Variants in TYW1B observed in about 807,000 individuals in gnomAD.
TYW1B encodes the protein tRNA-yW synthesizing protein 1 homolog B.
In TYW1B, 73 loss-of-function variants were observed where a neutral mutation model predicts 86.9. The observed-to-expected ratio is 0.84, with a 90% CI of 0.70 to 1.02. TYW1B has a LOEUF of 1.02. TYW1B is among the 50% of genes least tolerant of loss of function. The pLI is 0.00. For missense variants in TYW1B, 637 were observed against 827.4 expected (o/e 0.77, Z 2.82); for synonymous variants, 248 against 292.8 (o/e 0.85, Z 1.56).
chr7:72,688,798 G>A (rs562912056), intron 11 of TYW1B, among the ~76,000 whole-genome samples: 4 of 152,174 alleles, frequency 2.6e-5, no homozygotes, highest in African/African-American at 9.6e-5. Context: ...GCCTCAACAC[G>A]AACTTAAGAT....
chr7:72,740,732 T>C (rs1364778344), intron 8 of TYW1B, among the ~76,000 whole-genome samples: 1 of 86,542 alleles, frequency 1.2e-5, no homozygotes, highest in Non-Finnish European at 2.8e-5. Flanking sequence ...TATGCAGTTT[T>C]CTTTTTTTTT....
chr7:72,695,145 CAATTA>C (rs1814284709), intron 10 of TYW1B, among the ~76,000 whole-genome samples: 1 of 152,152 alleles, frequency 6.6e-6, no homozygotes. Context: ...CAGCCCAGCA[CAATTA>C]GAGGGGCTCT....
chr7:72,750,813 A>C (rs1240492559), intron 7 of TYW1B, among the ~76,000 whole-genome samples: 1 of 152,166 alleles, frequency 6.6e-6, no homozygotes, highest in African/African-American at 2.4e-5. Flanking sequence ...CAATATACTT[A>C]CTGGTTGTGC....
rs546102068 is a variant in TYW1B at position 72,760,769 on chromosome 7, TCAGA to T, written c.965-16172_965-16169del. ...AGGCATCTTTGCCTAGGTTTACTGC[TCAGA>T]CAGTTTATATTTGTCTCTACTAGAC... On this transcript the variant is annotated intron_variant, in intron 7 of 13. Transcript: ENST00000620995. Among the ~76,000 whole-genome samples, 1,410 of 152,302 alleles carry T rather than the reference TCAGA, an allele frequency of 9.3e-3. 8 individuals carry two copies. Among genetic ancestry groups the T allele is most frequent in the Non-Finnish European group, 0.013 (859 of 68,016 alleles).
intron 11 of TYW1B, among the ~76,000 whole-genome samples, chr7:72,679,338 T>G (rs1173406485): frequency 2.6e-5 from 4 of 152,192 alleles, no homozygotes; most frequent in South Asian, 2.1e-4. Flanking sequence ...TCAATAATGT[T>G]CACTGCAGAG....
At chr7:72,625,461 C>CA (rs1408990888) in intron 12 of TYW1B, among the ~76,000 whole-genome samples, 3 of 151,464 alleles carry the variant, frequency 2.0e-5, no homozygotes, top group Non-Finnish European at 4.4e-5. Context: ...TCTATAAATA[C>CA]AAAAATGTTT....
chr7:72,595,981 G>C (rs1268614122), intron 13 of TYW1B, among the ~76,000 whole-genome samples: 15 of 151,704 alleles, frequency 9.9e-5, no homozygotes, highest in African/African-American at 2.9e-4. Context: ...TTCGAGACCA[G>C]CCTGGCCAAC....
chr7:72,808,407 T>C (rs1788535928), intron 4 of TYW1B, among the ~76,000 whole-genome samples: 1 of 151,894 alleles, frequency 6.6e-6, no homozygotes, highest in Non-Finnish European at 1.5e-5. Context: ...GCCACTGAAC[T>C]CCAACCTAGG....
intron 12 of TYW1B, among the ~76,000 whole-genome samples, chr7:72,621,578 G>A (rs782517855): frequency 2.0e-5 from 3 of 152,132 alleles, no homozygotes; most frequent in African/African-American, 4.8e-5. Context: ...GAACCTCTAC[G>A]CTATCTGACC....
chr7:72,752,940 A>C (rs1366210909), intron 7 of TYW1B, among the ~76,000 whole-genome samples: 2 of 152,180 alleles, frequency 1.3e-5, no homozygotes, highest in African/African-American at 4.8e-5. Flanking sequence ...TAATGGATGG[A>C]GTTGATGAAA....
chr7:72,801,708 C>G (rs1406360329), intron 6 of TYW1B, among the ~76,000 whole-genome samples: 2 of 152,104 alleles, frequency 1.3e-5, no homozygotes, highest in Non-Finnish European at 2.9e-5. Flanking sequence ...CTGCATCGTA[C>G]ATTCTCACAT....
At chr7:72,796,634 C>T (rs1440326240) in intron 6 of TYW1B, among the ~76,000 whole-genome samples, 4 of 151,436 alleles carry the variant, frequency 2.6e-5, no homozygotes, top group Non-Finnish European at 4.4e-5. Context: ...AGAAACCCTT[C>T]GAGTTGGTTC....
rs781843092 is a variant in TYW1B at position 72,575,571 on chromosome 7, T to C, written c.1934A>G (p.Asn645Ser). 50 of 1,613,932 alleles carry C rather than the reference T, an allele frequency of 3.1e-5. 1 individual carries two copies. The highest frequency in any genetic ancestry group is 1.2e-4 in the Admixed American group (7 of 60,004). ...RTPHWALFGA[N>S]ERSFDPKDTR... ...GTCCTTGGGATCAAAGCTTCTTTCA[T>C]TGGCACCAAATAATGCCCAGTGAGG... The change falls in exon 14 of 14, where the codon AAT becomes AGT. Residue 645 changes from asparagine (N) to serine (S), a missense_variant. By Grantham distance (46) the Asn-to-Ser change is conservative. Transcript: ENST00000620995.
rs1368056863 is a variant in TYW1B at position 72,632,425 on chromosome 7, AAT to A, written c.1507-3430_1507-3429del. Among the ~76,000 whole-genome samples the A allele has an allele frequency of 4.5e-4, 42 of 92,486 alleles. 1 individual carries two copies. The highest frequency in any genetic ancestry group is 1.1e-3 in the African/African-American group (17 of 16,062). 60.7% of individuals were successfully genotyped at this position (92,486 alleles called of 152,430 possible). On this transcript the variant is annotated intron_variant, in intron 11 of 13. Coordinates refer to ENST00000620995, the MANE Select transcript of TYW1B (RefSeq NM_001145440.3). ...AATATATATATACATATATATATAA[AAT>A]ATATATATACGTATATATATAAAAT...
chr7:72,620,199 C>A (rs1812179580), intron 12 of TYW1B, among the ~76,000 whole-genome samples: 1 of 151,906 alleles, frequency 6.6e-6, no homozygotes, highest in Non-Finnish European at 1.5e-5. Context: ...GAATTCGAGA[C>A]CAGCCTTGCC....
At chr7:72,627,175 G>A (rs531194296) in intron 12 of TYW1B, among the ~76,000 whole-genome samples, 4 of 152,108 alleles carry the variant, frequency 2.6e-5, no homozygotes, top group South Asian at 2.1e-4. Context: ...GGCCCGGCGC[G>A]GTAGTTCTAA....
At chr7:72,606,759 T>C (rs1165273645) in intron 13 of TYW1B, among the ~76,000 whole-genome samples, 7 of 151,642 alleles carry the variant, frequency 4.6e-5, no homozygotes, top group African/African-American at 1.7e-4. Flanking sequence ...GCACCCTTCC[T>C]ACAGTAGGTC....
chr7:72,771,640 G>A (rs1200077293), intron 7 of TYW1B, among the ~76,000 whole-genome samples: 8 of 151,606 alleles, frequency 5.3e-5, no homozygotes, highest in African/African-American at 1.2e-4. Flanking sequence ...TAACCTGAGT[G>A]GAAAAGCAGG....
chr7:72,815,514 C>T, intron 2 of TYW1B, 33 bp from the exon 3 acceptor site: 1 of 1,576,760 alleles, frequency 6.3e-7, no homozygotes, highest in Non-Finnish European at 8.6e-7. Context: ...CAAATAAAGT[C>T]TTCAATGAGC....
Sources: gnomAD v4.1 joint callset for allele counts (sites outside exome capture counted in the v4.1 genomes callset) on GRCh38, gnomAD v4.1.1 for gene constraint, MANE v1.5 for transcripts, NCBI Gene and HGNC (gene_info 2026-07-23, HGNC 2026-07-21) for gene names.